Variants in SLC7A1 observed in about 807,000 individuals in gnomAD.
The protein encoded by SLC7A1 is solute carrier family 7 member 1.
In SLC7A1, 10 loss-of-function variants were observed where a neutral mutation model predicts 53.9. The ratio of observed to expected loss-of-function variants is 0.19; its 90% confidence interval spans 0.11 to 0.31. The LOEUF is 0.31. SLC7A1 is among the 10% of genes least tolerant of loss of function. The pLI is 1.00. For missense variants in SLC7A1, 525 were observed against 827.2 expected, an observed-to-expected ratio of 0.63 and a Z score of 4.48; for synonymous variants, 342 against 338.7, an observed-to-expected ratio of 1.01 and a Z score of -0.11.
intron 1 of SLC7A1, among the ~76,000 whole-genome samples, chr13:29,576,933 C>T (rs1223555336): frequency 1.3e-5 from 2 of 152,192 alleles, no homozygotes; most frequent in African/African-American, 4.8e-5. Flanking sequence ...ACCTCTACTC[C>T]TCTTCCCATT....
In SLC7A1 at chr13:29,540,956, T is replaced by C. The variant is rs1265503235; in HGVS notation, c.-14-4754A>G. On this transcript the variant is annotated intron_variant, in intron 2 of 12. Coordinates refer to ENST00000380752, the MANE Select transcript of SLC7A1 (RefSeq NM_003045.5). ...CCTCAACAAGAGTGGCTGGTCAACC[T>C]CATGGCTGGCATGTGGGCAGCTGCT... Among the ~76,000 whole-genome samples, 5 of 152,332 alleles carry C rather than the reference T, an allele frequency of 3.3e-5. No individual in the cohort carries two copies. The East Asian group carries it at 9.6e-4, about 29-fold the overall frequency.
At chr13:29,534,187 C>A (rs534905340) in intron 3 of SLC7A1, among the ~76,000 whole-genome samples, 1 of 152,284 alleles carries the variant, frequency 6.6e-6, no homozygotes, top group Admixed American at 6.5e-5. Flanking sequence ...CTGAATTATG[C>A]CTTTTAAAAA....
chr13:29,593,903 GA>G (rs980722785), intron 1 of SLC7A1, among the ~76,000 whole-genome samples: 1 of 151,998 alleles, frequency 6.6e-6, no homozygotes, highest in African/African-American at 2.4e-5. Flanking sequence ...GACATCCTTT[GA>G]ATTTTACCTT....
At position 29,514,580 on chromosome 13, in the gene SLC7A1, A is replaced by C; in HGVS notation, c.1790T>G (p.Phe597Cys). ...VRFAVWMLIG[F>C]IIYFGYGLWH... The stretch of plus-strand genomic sequence containing the variant: ...CAGGCCATAGCCAAAGTAGATGATG[A>C]AGCCTGCGGGCCGACAGCAGAGACG... The change falls in exon 13 of 13, where the codon TTC (phenylalanine) becomes TGC (cysteine). Residue 597 changes from phenylalanine to cysteine, a missense_variant. Phe to Cys is a radical substitution (Grantham distance 205, BLOSUM62 -2). Transcript: ENST00000380752. 6.2e-7 allele frequency: 1 copy of C among 1,606,692 alleles called. No individual in the cohort carries two copies. The highest frequency in any genetic ancestry group is 8.5e-7 in the Non-Finnish European group (1 of 1,178,464).
intron 1 of SLC7A1, among the ~76,000 whole-genome samples, chr13:29,566,511 A>G (rs1345297958): frequency 6.6e-6 from 1 of 152,244 alleles, no homozygotes; most frequent in Non-Finnish European, 1.5e-5. Flanking sequence ...GCTAAGTGAA[A>G]GAAGCCAGAC....
intron 12 of SLC7A1, 38 bp from the exon 13 acceptor site, chr13:29,514,621 C>A (rs1282476875): frequency 2.7e-6 from 4 of 1,484,412 alleles, no homozygotes; most frequent in Non-Finnish European, 3.7e-6. Flanking sequence ...GAACAGACCG[C>A]CGGTTGCACC....
chr13:29,594,882 C>T (rs1464839969), intron 1 of SLC7A1, among the ~76,000 whole-genome samples: 2 of 152,130 alleles, frequency 1.3e-5, no homozygotes, highest in Non-Finnish European at 1.5e-5. Context: ...CCACCTGCCG[C>T]GGGACCACCC....
chr13:29,534,586 G>A (rs1869321782), intron 3 of SLC7A1, among the ~76,000 whole-genome samples: 1 of 152,200 alleles, frequency 6.6e-6, no homozygotes, highest in Non-Finnish European at 1.5e-5. Flanking sequence ...ATGTGAGTGT[G>A]TGCCCTCCCC....
chr13:29,548,831 C>A (rs1870044211), intron 2 of SLC7A1, among the ~76,000 whole-genome samples: 2 of 152,250 alleles, frequency 1.3e-5, no homozygotes, highest in African/African-American at 4.8e-5. Flanking sequence ...GTAAAACACA[C>A]ACCCGTAGTT....
intron 2 of SLC7A1, among the ~76,000 whole-genome samples, chr13:29,538,468 T>A (rs1309361051): frequency 2.0e-5 from 3 of 152,206 alleles, no homozygotes; most frequent in Non-Finnish European, 2.9e-5. Context: ...CAAGCTCTCA[T>A]GCCAGAGCAG....
chr13:29,559,678 A>T lies in SLC7A1; in HGVS notation c.-114-5818T>A, dbSNP rs140999227. On this transcript the variant is annotated intron_variant, in intron 1 of 12. Coordinates refer to ENST00000380752, the MANE Select transcript of SLC7A1 (RefSeq NM_003045.5). ...CCTTCTTCAGTCATAAATTAAGCTT[A>T]GCTTACCGCAACATTTTTACTTTAC... Among the ~76,000 whole-genome samples the T allele has an allele frequency of 1.0e-2, 1,512 of 151,860 alleles. 23 individuals carry two copies. The highest frequency in any genetic ancestry group is 0.035 in the African/African-American group (1,460 of 41,366).
chr13:29,516,887 G>A, intron 11 of SLC7A1: 1 of 415,714 alleles, frequency 2.4e-6, no homozygotes, highest in Admixed American at 4.0e-5. Context: ...GGTCTCTCTT[G>A]GCCTGTGTCA....
intron 2 of SLC7A1, among the ~76,000 whole-genome samples, chr13:29,547,313 G>A (rs1190431321): frequency 6.6e-6 from 1 of 152,168 alleles, no homozygotes; most frequent in Non-Finnish European, 1.5e-5. Context: ...TGGCTGTGAG[G>A]TAACAGGAAC....
chr13:29,593,912 C>A (rs1005427859), intron 1 of SLC7A1, among the ~76,000 whole-genome samples: 5 of 152,136 alleles, frequency 3.3e-5, no homozygotes, highest in African/African-American at 1.2e-4. Flanking sequence ...TGAATTTTAC[C>A]TTTATAATAA....
intron 5 of SLC7A1, among the ~76,000 whole-genome samples, chr13:29,528,419 G>C (rs1868999706): frequency 2.0e-5 from 3 of 152,164 alleles, no homozygotes. Context: ...CAGACAGACC[G>C]ACCTAGTTCC....
chr13:29,538,486 G>A (rs139249214), intron 2 of SLC7A1, among the ~76,000 whole-genome samples: 4 of 152,290 alleles, frequency 2.6e-5, no homozygotes, highest in Admixed American at 6.5e-5. Flanking sequence ...CAGTTCTGAG[G>A]TGTCTCAGCA....
chr13:29,591,055 A>C (rs1165253481), intron 1 of SLC7A1, among the ~76,000 whole-genome samples: 1 of 152,126 alleles, frequency 6.6e-6, no homozygotes, highest in Non-Finnish European at 1.5e-5. Flanking sequence ...GGCTAATACA[A>C]GCTGTGACTG....
rs1593541090 is a variant in SLC7A1, at chr13:29,521,841, GCAGCACCCTTGATACTCTCTGGGGAAGA to G, written c.1189+448_1189+475del. ...AACTTAGGGGCAAGTGGCTTCATCA[GCAGCACCCTTGATACTCTCTGGGGAAGA>G]GGCGGCACATTTCATAAAACACTGA... On this transcript the variant is annotated intron_variant, in intron 8 of 12. Transcript: ENST00000380752. Among the ~76,000 whole-genome samples the G allele has an allele frequency of 2.0e-5, 3 of 152,254 alleles. No homozygotes were observed. In the East Asian group the frequency reaches 5.8e-4, roughly 29 times the overall value.
chr13:29,586,183 T>C (rs1467527327), intron 1 of SLC7A1, among the ~76,000 whole-genome samples: 3 of 152,228 alleles, frequency 2.0e-5, no homozygotes, highest in African/African-American at 7.2e-5. Flanking sequence ...CAAAATGGGG[T>C]ATGTATGTGT....
Sources: gnomAD v4.1 joint callset for allele counts (sites outside exome capture counted in the v4.1 genomes callset) on GRCh38, gnomAD v4.1.1 for gene constraint, MANE v1.5 for transcripts, NCBI Gene and HGNC (gene_info 2026-07-23, HGNC 2026-07-21) for gene names.